TMEM131L: variants seen among roughly 807,000 people sequenced by gnomAD.
The protein encoded by TMEM131L is transmembrane protein 131-like.
Under a neutral mutation model 192.2 loss-of-function variants are expected in TMEM131L, and 54 were observed. That is an observed-to-expected ratio of 0.28 (90% CI 0.23 to 0.35). The LOEUF is 0.35. TMEM131L is among the 10% of genes least tolerant of loss of function. The pLI is 1.00. For missense variants in TMEM131L, 1,888 were observed against 1,972.9 expected, an observed-to-expected ratio of 0.96 and a Z score of 0.82; for synonymous variants, 701 against 704.9, an observed-to-expected ratio of 0.99 and a Z score of 0.09.
At chr4:153,489,220 C>T (rs1388666175) in intron 3 of TMEM131L, among the ~76,000 whole-genome samples, 6 of 152,078 alleles carry the variant, frequency 3.9e-5, no homozygotes, top group Non-Finnish European at 8.8e-5. Flanking sequence ...TCCTGAGAAA[C>T]GCCTTTTTGG....
rs33994147 is a variant in TMEM131L, at chr4:153,567,547, CT to C, written c.660+9193del. On this transcript the variant is annotated intron_variant, in intron 7 of 34. Transcript: ENST00000409959. ...AGCTAGATTTTTTTTTTCCCCCAGG[CT>C]TTTTTTTTTTTTTGAGACAGACTTT... is the stretch of plus-strand genomic sequence containing the variant. Among the ~76,000 whole-genome samples the C allele has an allele frequency of 3.5e-3, 491 of 138,810 alleles. 1 individual carries two copies. Among genetic ancestry groups the C allele is most frequent in the Non-Finnish European group, 3.5e-3 (220 of 63,262 alleles). The allele number at this position is 138,810 out of a possible 152,430, so 91.1% of individuals were successfully genotyped here.
rs1315923913 is a variant in TMEM131L, at chr4:153,586,398, T to C, written c.1482+19T>C. 3.2e-6 allele frequency: 5 copies of C among 1,544,646 alleles called. No individual in the cohort carries two copies. The highest frequency in any genetic ancestry group is 4.4e-6 in the Non-Finnish European group (5 of 1,147,332). ...AACCAAGGTATTTTCTACAATACTATATGTGTGTTACAGTTTTCTTAATTA... is the reference window on the plus strand; with the variant it reads ...AACCAAGGTATTTTCTACAATACTACATGTGTGTTACAGTTTTCTTAATTA... On this transcript the variant is annotated intron_variant, in intron 14 of 34. Coordinates refer to ENST00000409959, the MANE Select transcript of TMEM131L (RefSeq NM_001131007.2).
intron 3 of TMEM131L, among the ~76,000 whole-genome samples, chr4:153,514,418 T>C (rs998176948): frequency 1.8e-4 from 28 of 152,230 alleles, no homozygotes; most frequent in African/African-American, 6.5e-4. Flanking sequence ...GAGTCAACAA[T>C]GCATGGTGAT....
intron 3 of TMEM131L, among the ~76,000 whole-genome samples, chr4:153,534,238 T>C (rs1165832301): frequency 2.0e-5 from 3 of 152,156 alleles, no homozygotes; most frequent in Admixed American, 2.0e-4. Context: ...TCTAATAGGA[T>C]GTGAGAAAGA....
chr4:153,532,450 A>ATTTT (rs1463688080), intron 3 of TMEM131L, among the ~76,000 whole-genome samples: 66 of 152,024 alleles, frequency 4.3e-4, no homozygotes, highest in African/African-American at 1.4e-3. Flanking sequence ...TTTTTTTAAA[A>ATTTT]AAAAAAAAAG....
chr4:153,584,125 A>G (rs963868867), intron 11 of TMEM131L, among the ~76,000 whole-genome samples: 21 of 152,356 alleles, frequency 1.4e-4, no homozygotes, highest in Non-Finnish European at 2.2e-4. Flanking sequence ...ACAGCTGATC[A>G]TCTGTGTTCA....
At chr4:153,561,866 G>A (rs548976863) in intron 7 of TMEM131L, among the ~76,000 whole-genome samples, 11 of 151,856 alleles carry the variant, frequency 7.2e-5, no homozygotes, top group African/African-American at 2.4e-4. Flanking sequence ...CCCTACTCTT[G>A]TGGTGTTACG....
intron 3 of TMEM131L, among the ~76,000 whole-genome samples, chr4:153,506,617 G>A (rs539051640): frequency 1.3e-5 from 2 of 152,072 alleles, no homozygotes; most frequent in African/African-American, 2.4e-5. Context: ...CCAAGGGGGG[G>A]ACTCATCTGA....
At chr4:153,550,517 G>A (rs926021230) in intron 4 of TMEM131L, among the ~76,000 whole-genome samples, 18 of 152,174 alleles carry the variant, frequency 1.2e-4, no homozygotes, top group East Asian at 3.9e-4. Flanking sequence ...TAGTAGAGAC[G>A]GGGTTTCACC....
chr4:153,497,878 C>CAA (rs200874155), intron 3 of TMEM131L, among the ~76,000 whole-genome samples: 1,432 of 70,314 alleles, frequency 0.02, 25 homozygotes, highest in African/African-American at 0.062. Context: ...GAAAAATTTC[C>CAA]AAAAAAAAAA....
At chr4:153,532,808 T>C (rs917337146) in intron 3 of TMEM131L, among the ~76,000 whole-genome samples, 3 of 152,166 alleles carry the variant, frequency 2.0e-5, no homozygotes, top group South Asian at 4.1e-4. Flanking sequence ...TCATGAATTA[T>C]GTTTTAGTTG....
At chr4:153,532,348 C>A (rs1366897342) in intron 3 of TMEM131L, among the ~76,000 whole-genome samples, 17 of 151,854 alleles carry the variant, frequency 1.1e-4, no homozygotes, top group Non-Finnish European at 1.3e-4. Flanking sequence ...GAAGATGCAT[C>A]TGTAGAAATG....
intron 26 of TMEM131L, among the ~76,000 whole-genome samples, chr4:153,618,357 G>A (rs1405912117): frequency 6.6e-6 from 1 of 151,558 alleles, no homozygotes; most frequent in African/African-American, 2.4e-5. Context: ...CTTGCCTGTA[G>A]TGTCAGCTAC....
chr4:153,583,517 A>G, intron 10 of TMEM131L, 47 bp from the exon 11 acceptor site: 2 of 1,255,078 alleles, frequency 1.6e-6, no homozygotes, highest in Non-Finnish European at 2.3e-6. Flanking sequence ...CTGGATAAAT[A>G]CTCTCCCAGC....
Position 153,562,679 on chromosome 4 carries a change from G to A in TMEM131L, c.660+4311G>A, listed in dbSNP as rs530972450. Among the ~76,000 whole-genome samples the A allele has an allele frequency of 2.0e-5, 3 of 152,296 alleles. No homozygotes were observed. The South Asian group carries it at 6.2e-4, about 32-fold the overall frequency. On this transcript the variant is annotated intron_variant, in intron 7 of 34. Transcript: ENST00000409959. ...TGTGGAAGGTACCAAAGGCATAATT[G>A]CCTCTTCTCCAGTATAGAGCTAGAA...
intron 4 of TMEM131L, among the ~76,000 whole-genome samples, chr4:153,553,721 G>A (rs1250790877): frequency 2.6e-5 from 4 of 152,042 alleles, no homozygotes; most frequent in Admixed American, 2.6e-4. Context: ...CTTGTTACTC[G>A]GTTGCCTTCT....
chr4:153,497,816 T>G (rs1733285219), intron 3 of TMEM131L, among the ~76,000 whole-genome samples: 1 of 151,528 alleles, frequency 6.6e-6, no homozygotes, highest in Non-Finnish European at 1.5e-5. Flanking sequence ...TTCATCTGTG[T>G]TTGTGTAACA....
intron 3 of TMEM131L, among the ~76,000 whole-genome samples, chr4:153,478,960 C>T (rs1316849715): frequency 6.6e-6 from 1 of 152,204 alleles, no homozygotes; most frequent in Non-Finnish European, 1.5e-5. Context: ...AGAACCCATA[C>T]AGAGGAGTCA....
chr4:153,558,419 C>T (rs940218983), intron 7 of TMEM131L, 51 bp downstream of exon 7: 4 of 1,098,162 alleles, frequency 3.6e-6, no homozygotes, highest in Non-Finnish European at 4.1e-6. Flanking sequence ...AACTTTGTAA[C>T]CTTCTCAGAA....
Sources: allele counts gnomAD v4.1 joint callset (sites outside exome capture counted in the v4.1 genomes callset), GRCh38; gene constraint gnomAD v4.1.1; transcripts MANE v1.5; gene names NCBI Gene and HGNC (gene_info 2026-07-23, HGNC 2026-07-21).